MDGA2: variants seen among roughly 807,000 people sequenced by gnomAD.
MDGA2 encodes MAM domain containing glycosylphosphatidylinositol anchor 2.
A neutral mutation model predicts 117.8 loss-of-function variants in MDGA2; 40 were observed. That is an observed-to-expected ratio of 0.34 (90% CI 0.26 to 0.44). The LOEUF is 0.44. MDGA2 is among the 20% of genes least tolerant of loss of function. The pLI, the probability that MDGA2 is intolerant of heterozygous loss-of-function variation, is 1.00. For synonymous variants in MDGA2, 452 were observed against 439.0 expected (o/e 1.03, Z -0.37); for missense variants, 1,123 against 1,250.6 (o/e 0.90, Z 1.54).
chr14:46,993,444 T>A (rs1373676123), intron 8 of MDGA2, among the ~76,000 whole-genome samples: 1 of 141,004 alleles, frequency 7.1e-6, no homozygotes, highest in African/African-American at 2.5e-5. Context: ...ATTATCACTT[T>A]TTTTCTATTT....
chr14:47,274,315 A>G (rs1888241123), intron 2 of MDGA2, among the ~76,000 whole-genome samples: 1 of 152,156 alleles, frequency 6.6e-6, no homozygotes, highest in Admixed American at 6.6e-5. Context: ...GACATTCCAT[A>G]TAAACAGAAG....
chr14:47,507,527 C>T (rs2138684902), intron 1 of MDGA2, among the ~76,000 whole-genome samples: 1 of 152,214 alleles, frequency 6.6e-6, no homozygotes, highest in Non-Finnish European at 1.5e-5. Flanking sequence ...ATGTTTGATC[C>T]TAACTAAAAA....
chr14:47,515,971 C>T (rs1355797985), intron 1 of MDGA2, among the ~76,000 whole-genome samples: 2 of 152,122 alleles, frequency 1.3e-5, no homozygotes, highest in African/African-American at 2.4e-5. Context: ...TGCCTGCATT[C>T]CACTGTCAGG....
intron 10 of MDGA2, among the ~76,000 whole-genome samples, chr14:46,902,439 C>A (rs558141893): frequency 6.6e-6 from 1 of 152,036 alleles, no homozygotes; most frequent in Admixed American, 6.6e-5. Flanking sequence ...TTTCTTTTCC[C>A]AAATATGGTT....
At chr14:47,152,700 G>GA (rs200207871) in intron 3 of MDGA2, among the ~76,000 whole-genome samples, 2,334 of 148,410 alleles carry the variant, frequency 0.016, 61 homozygotes, top group African/African-American at 0.055. Context: ...TGAATAAGAT[G>GA]AAAAAAAAAC....
At chr14:47,098,614 TTAA>T (rs1880121087) in intron 5 of MDGA2, among the ~76,000 whole-genome samples, 1 of 151,872 alleles carries the variant, frequency 6.6e-6, no homozygotes, top group Non-Finnish European at 1.5e-5. Context: ...GATATTATAC[TTAA>T]TTATTAATAT....
At chr14:47,577,968 C>T (rs1896146808) in intron 1 of MDGA2, among the ~76,000 whole-genome samples, 2 of 152,206 alleles carry the variant, frequency 1.3e-5, no homozygotes, top group South Asian at 4.2e-4. Flanking sequence ...GACACATGCA[C>T]ACTTGTTTAC....
intron 2 of MDGA2, 91 bp downstream of exon 2, chr14:47,301,320 C>T: frequency 1.8e-6 from 2 of 1,121,962 alleles, no homozygotes; most frequent in South Asian, 1.5e-5. Context: ...CACACACACA[C>T]AGTTTTAGCT....
At chr14:47,314,146 T>C (rs1274168791) in intron 1 of MDGA2, among the ~76,000 whole-genome samples, 1 of 152,164 alleles carries the variant, frequency 6.6e-6, no homozygotes, top group African/African-American at 2.4e-5. Context: ...GGGCAAATGG[T>C]TTGACCTTTC....
chr14:47,383,937 AG>A (rs1479498305), intron 1 of MDGA2, among the ~76,000 whole-genome samples: 1 of 152,080 alleles, frequency 6.6e-6, no homozygotes, highest in Non-Finnish European at 1.5e-5. Context: ...ATGGTGCTTA[AG>A]GCAGCCTAGC....
chr14:47,512,473 T>A (rs975224377), intron 1 of MDGA2, among the ~76,000 whole-genome samples: 3 of 152,084 alleles, frequency 2.0e-5, no homozygotes, highest in Non-Finnish European at 2.9e-5. Context: ...GACTATAAAA[T>A]CAGAAATCAA....
chr14:46,953,260 T>C (rs1038158790), intron 9 of MDGA2, among the ~76,000 whole-genome samples: 1 of 151,808 alleles, frequency 6.6e-6, no homozygotes, highest in East Asian at 1.9e-4. Context: ...TTATACTCAA[T>C]TATAATTTAT....
rs140722954 is a variant in MDGA2 at position 47,038,399 on chromosome 14, G to A, written c.1526-3095C>T. Among the ~76,000 whole-genome samples, 1,075 of 152,096 alleles carry A rather than the reference G, an allele frequency of 7.1e-3. 6 individuals carry two copies. The highest frequency in any genetic ancestry group is 0.01 in the Non-Finnish European group (690 of 67,992). The stretch of plus-strand genomic sequence containing the variant: ...TTTAAACAACTTATTACATTAGACC[G>A]TTCAAATCACAATAGATTATTGACT... On this transcript the variant is annotated intron_variant, in intron 7 of 16. Coordinates refer to ENST00000399232, the MANE Select transcript of MDGA2 (RefSeq NM_001113498.3).
At chr14:47,212,603 T>C (rs550233500) in intron 3 of MDGA2, among the ~76,000 whole-genome samples, 1 of 152,274 alleles carries the variant, frequency 6.6e-6, no homozygotes, top group East Asian at 1.9e-4. Flanking sequence ...GACTTATTTT[T>C]CATTTTCACA....
chr14:46,909,881 A>G (rs1003950483), intron 10 of MDGA2, among the ~76,000 whole-genome samples: 13 of 152,076 alleles, frequency 8.5e-5, no homozygotes, highest in Non-Finnish European at 1.5e-4. Flanking sequence ...TTAGCTTAAG[A>G]TCTGTAGAAC....
At chr14:46,995,893 A>G (rs1887271118) in intron 8 of MDGA2, among the ~76,000 whole-genome samples, 1 of 151,956 alleles carries the variant, frequency 6.6e-6, no homozygotes, top group Admixed American at 6.6e-5. Context: ...ATATTATATA[A>G]TATATTTTGT....
intron 1 of MDGA2, among the ~76,000 whole-genome samples, chr14:47,442,408 G>C (rs1258186614): frequency 6.6e-6 from 1 of 152,072 alleles, no homozygotes; most frequent in African/African-American, 2.4e-5. Context: ...GACAGGACAG[G>C]AGTTTCCAGC....
chr14:46,928,003 T>TCTTTAAAGAAAGC (rs1884396540), intron 9 of MDGA2, among the ~76,000 whole-genome samples: 1 of 152,140 alleles, frequency 6.6e-6, no homozygotes, highest in African/African-American at 2.4e-5. Context: ...ATCACTGGGA[T>TCTTTAAAGAAAGC]CTTTAAAGAA....
In MDGA2 at chr14:47,609,460, TATATAA is replaced by T. The variant is rs1464111433; in HGVS notation, c.280+65051_280+65056del. 2.1e-3 allele frequency among the ~76,000 whole-genome samples: 244 copies of T among 115,694 alleles called. 4 individuals carry two copies. Among genetic ancestry groups the T allele is most frequent in the African/African-American group, 7.0e-3 (228 of 32,436 alleles). The allele number at this position is 115,694 out of a possible 152,430, so 75.9% of individuals were successfully genotyped here. A position where few individuals can be genotyped will look rare whatever the true frequency, so the allele number is the denominator to read the frequency against. On this transcript the variant is annotated intron_variant, in intron 1 of 16. Coordinates refer to ENST00000399232, the MANE Select transcript of MDGA2 (RefSeq NM_001113498.3). ...ATATATATATATATATATATATATA[TATATAA>T]GTTTCTTTATCTACTTGTTGATTGA... is the stretch of plus-strand genomic sequence containing the variant.
Sources: allele counts gnomAD v4.1 joint callset (sites outside exome capture counted in the v4.1 genomes callset), GRCh38; gene constraint gnomAD v4.1.1; transcripts MANE v1.5; gene names NCBI Gene and HGNC (gene_info 2026-07-23, HGNC 2026-07-21).